The following HSPA12B variants were observed in gnomAD, a reference collection of about 807,000 sequenced individuals.
The protein encoded by HSPA12B is heat shock 70 kDa protein 12B.
In HSPA12B, 54 loss-of-function variants were observed where a neutral mutation model predicts 69.3. The ratio of observed to expected loss-of-function variants is 0.78; its 90% CI spans 0.63 to 0.98. HSPA12B has a LOEUF of 0.98. Among genes scored for constraint, HSPA12B ranks in the 50% least tolerant of loss-of-function variants. The probability of loss-of-function intolerance (pLI) is 0.00; values close to 1 mark genes in which losing one functional copy is unlikely to be tolerated. For missense variants in HSPA12B, 929 were observed against 999.8 expected (o/e 0.93, Z 0.96); for synonymous variants, 441 against 436.5 (o/e 1.01, Z -0.13).
chr20:3,742,999 G>C (rs1169251502), intron 4 of HSPA12B, among the ~76,000 whole-genome samples: 2 of 151,000 alleles, frequency 1.3e-5, no homozygotes, highest in Admixed American at 6.6e-5. Flanking sequence ...TCAGCCTCTT[G>C]AGTAGCTGGG....
chr20:3,742,274 G>A lies in HSPA12B; in HGVS notation c.142-10G>A. On this transcript the variant is annotated splice_polypyrimidine_tract_variant and intron_variant, in intron 3 of 12. Coordinates refer to ENST00000254963, the MANE Select transcript of HSPA12B (RefSeq NM_052970.5). ...TGGCTGCTTGCTAATTCTAAGTCTT[G>A]CACTTGCAGAAACCCGAGGTCCGAG... 1 of 1,613,376 alleles carries A rather than the reference G, an allele frequency of 6.2e-7. No homozygotes were observed. Among genetic ancestry groups the A allele is most frequent in the South Asian group, 1.1e-5 (1 of 91,034 alleles).
rs2088276868 is a variant in HSPA12B, at chr20:3,745,226, G to A, written c.453+138G>A. 1 of 811,242 alleles carries A rather than the reference G, an allele frequency of 1.2e-6. No individual in the cohort carries two copies. The highest frequency in any genetic ancestry group is 1.7e-5 in the South Asian group (1 of 59,114). 50.3% of individuals were successfully genotyped at this position (811,242 alleles called of 1,614,324 possible). A position where few individuals can be genotyped will look rare whatever the true frequency, so the allele number is the denominator to read the frequency against. The stretch of plus-strand genomic sequence containing the variant: ...GGCTGAGAGGGGGCGGGGCTAAAGG[G>A]AGACGTCGGACTCCGGTGTGGGCGG... On this transcript the variant is annotated intron_variant, in intron 5 of 12. Coordinates refer to ENST00000254963, the MANE Select transcript of HSPA12B (RefSeq NM_052970.5). This position sits in a 1 kb window ranked among gnomAD's most constrained non-coding sequence, Gnocchi z 5.6.
At chr20:3,748,836 G>A (rs1162711543) in intron 8 of HSPA12B, among the ~76,000 whole-genome samples, 2 of 152,042 alleles carry the variant, frequency 1.3e-5, no homozygotes, top group Non-Finnish European at 2.9e-5. Flanking sequence ...CCTGCTGCCA[G>A]GACCAGGCAC....
chr20:3,750,998 A>C, intron 12 of HSPA12B, 91 bp downstream of exon 12: 1 of 1,057,962 alleles, frequency 9.5e-7, no homozygotes, highest in Middle Eastern at 2.0e-4. Context: ...ATACCTCCAC[A>C]CATCCATACA....
intron 2 of HSPA12B, among the ~76,000 whole-genome samples, chr20:3,739,568 C>CAG (rs1348378623): frequency 1.3e-5 from 2 of 152,328 alleles, no homozygotes; most frequent in African/African-American, 4.8e-5. Flanking sequence ...TCTCGGGCTG[C>CAG]AGCTGGTGGC....
Position 3,748,233 on chromosome 20 carries a change from G to T in HSPA12B, c.692G>T (p.Arg231Leu). The T allele has an allele frequency of 1.3e-6, 2 of 1,580,910 alleles. No individual in the cohort carries two copies. The highest frequency in any genetic ancestry group is 1.7e-6 in the Non-Finnish European group (2 of 1,161,204). ...CATCCCCAGGCTGGACTAGTGTCCC[G>T]AGAGAATGCAGAGCAGCTACTCATC... ...EAAYLAGLVS[R>L]ENAEQLLIAL... is the part of the protein sequence containing the mutation. Residue 231 changes from arginine (R) to leucine (L), a missense_variant, in exon 8 of 13, where the codon CGA (arginine) becomes CTA (leucine). Coordinates refer to ENST00000254963, the MANE Select transcript of HSPA12B (RefSeq NM_052970.5).
rs2088277916 is a variant in HSPA12B, at chr20:3,745,263, G to A, written c.453+175G>A. ...TCCGGTGTGGGCGGAGCTCAGAAAT[G>A]AGGTGGAGGCGGGGCTAATGTGGGT... On this transcript the variant is annotated intron_variant, in intron 5 of 12. Coordinates refer to ENST00000254963, the MANE Select transcript of HSPA12B (RefSeq NM_052970.5). This position sits in a 1 kb window ranked among gnomAD's most constrained non-coding sequence, Gnocchi z 5.6. Among the ~76,000 whole-genome samples, 1 of 151,824 alleles carries A rather than the reference G, an allele frequency of 6.6e-6. No homozygotes were observed. The highest frequency in any genetic ancestry group is 1.5e-5 in the Non-Finnish European group (1 of 67,946).
Position 3,751,611 on chromosome 20 carries a change from G to A in HSPA12B, c.1506G>A (p.Ala502=). The change falls in exon 13 of 13, where the codon GCG becomes GCA. Residue 502 remains alanine, a synonymous_variant. Coordinates refer to ENST00000254963, the MANE Select transcript of HSPA12B (RefSeq NM_052970.5). ...TGCTGCAGCACGCGGTGCAGGCGGC[G>A]CTGGGCGCCCGCGGTCTGCGTGTCG... The part of the protein sequence containing the change: ...SAVLQHAVQA[A]LGARGLRVVV... 1 of 1,529,726 alleles carries A rather than the reference G, an allele frequency of 6.5e-7. No homozygotes were observed. The highest frequency in any genetic ancestry group is 1.4e-5 in the African/African-American group (1 of 71,950). 94.8% of individuals were successfully genotyped at this position (1,529,726 alleles called of 1,614,324 possible).
At chr20:3,738,820 C>A in intron 2 of HSPA12B, 103 bp downstream of exon 2, 1 of 1,203,350 alleles carries the variant, frequency 8.3e-7, no homozygotes, top group Non-Finnish European at 1.2e-6. Flanking sequence ...ACAGAGCTTC[C>A]CAACAGCTCT....
chr20:3,735,823 G>A (rs1368131725), intron 1 of HSPA12B, among the ~76,000 whole-genome samples: 3 of 151,988 alleles, frequency 2.0e-5, no homozygotes, highest in African/African-American at 7.3e-5. Context: ...CAATAGCCTC[G>A]GTCCAGAAAA....
intron 2 of HSPA12B, among the ~76,000 whole-genome samples, chr20:3,739,654 C>T (rs1369749142): frequency 6.6e-6 from 1 of 152,204 alleles, no homozygotes; most frequent in Non-Finnish European, 1.5e-5. Flanking sequence ...GCCCCTCCAG[C>T]ACCTCAGACT....
chr20:3,745,179 AG>A lies in HSPA12B; in HGVS notation c.453+93del. The A allele has an allele frequency of 8.3e-7, 1 of 1,201,654 alleles. No individual in the cohort carries two copies. The highest frequency in any genetic ancestry group is 1.2e-6 in the Non-Finnish European group (1 of 844,116). 74.4% of individuals were successfully genotyped at this position (1,201,654 alleles called of 1,614,324 possible). On this transcript the variant is annotated intron_variant, in intron 5 of 12. Coordinates refer to ENST00000254963, the MANE Select transcript of HSPA12B (RefSeq NM_052970.5). This position sits in a 1 kb window ranked among gnomAD's most constrained non-coding sequence, Gnocchi z 5.6. ...GGGTGGGACAAAACCAAAACGTGTG[AG>A]GACCGGCCCGATGGAGTCGTGGCTG... is the stretch of plus-strand genomic sequence containing the variant.
chr20:3,736,172 C>T (rs1038989913), intron 1 of HSPA12B, among the ~76,000 whole-genome samples: 1 of 152,204 alleles, frequency 6.6e-6, no homozygotes, highest in African/African-American at 2.4e-5. Flanking sequence ...CTCAGCATCC[C>T]ACTCCATCAT....
chr20:3,744,803 T>C lies in HSPA12B; in HGVS notation c.267-99T>C. 1 of 1,144,492 alleles carries C rather than the reference T, an allele frequency of 8.7e-7. No homozygotes were observed. Among genetic ancestry groups the C allele is most frequent in the East Asian group, 2.4e-5 (1 of 42,160 alleles). The allele number at this position is 1,144,492 out of a possible 1,614,324, so 70.9% of individuals were successfully genotyped here. ...GAGCCGACCCATAGCTAGTTCTCCC[T>C]GCTCTTTCACATCTGTAAGTTTTTG... is the stretch of plus-strand genomic sequence containing the variant. On this transcript the variant is annotated intron_variant, in intron 4 of 12. Coordinates refer to ENST00000254963, the MANE Select transcript of HSPA12B (RefSeq NM_052970.5). The surrounding 1 kb of genome is among the most constrained non-coding windows in gnomAD (Gnocchi z 4.9).
At position 3,749,259 on chromosome 20, in the gene HSPA12B, A is replaced by G; in HGVS notation, c.878A>G (p.His293Arg). The stretch of plus-strand genomic sequence containing the variant: ...CGGGAGCAGCTGCGAAGGTCCCGCC[A>G]CAGCCGCACGTTCCTGGTGGAGTCA... ...QAREQLRRSR[H>R]SRTFLVESGV... The change falls in exon 9 of 13, where the codon CAC becomes CGC. Residue 293 changes from histidine to arginine, a missense_variant. His to Arg is a conservative substitution (Grantham distance 29). This residue lies in a region of HSPA12B where 477 missense variants were observed against 535.2 expected (regional missense o/e 0.89). Transcript: ENST00000254963. The surrounding 1 kb of genome is among the most constrained non-coding windows in gnomAD (Gnocchi z 5.5). 1 of 1,613,686 alleles carries G rather than the reference A, an allele frequency of 6.2e-7. No individual in the cohort carries two copies. The highest frequency in any genetic ancestry group is 1.1e-5 in the South Asian group (1 of 91,028).
In HSPA12B at chr20:3,737,057, AAAATAAATAAATAAAT is replaced by A. The variant is rs11470713; in HGVS notation, c.-17-1567_-17-1552del. 0.45 allele frequency among the ~76,000 whole-genome samples: 65,896 copies of A among 146,114 alleles called. 15,283 individuals carry two copies. The highest frequency in any genetic ancestry group is 0.53 in the Middle Eastern group (154 of 288). On this transcript the variant is annotated intron_variant, in intron 1 of 12. Coordinates refer to ENST00000254963, the MANE Select transcript of HSPA12B (RefSeq NM_052970.5). The surrounding 1 kb of genome is among the most constrained non-coding windows in gnomAD (Gnocchi z 4.1). ...GGGGACAGAGTGAGACTCTGCCTCA[AAAATAAATAAATAAAT>A]AAATAAATAAATAAATAAATAAATA...
rs2088420882 is a variant in HSPA12B at position 3,751,558 on chromosome 20, C to T, written c.1453C>T (p.Leu485=). 1 of 1,495,758 alleles carries T rather than the reference C, an allele frequency of 6.7e-7. No individual in the cohort carries two copies. Among genetic ancestry groups the T allele is most frequent in the South Asian group, 1.3e-5 (1 of 75,978 alleles). 92.7% of individuals were successfully genotyped at this position (1,495,758 alleles called of 1,614,324 possible). A position where few individuals can be genotyped will look rare whatever the true frequency, so the allele number is the denominator to read the frequency against. ...GGTGCAGGGTGTGAAGCTGCTGTTC[C>T]TAGTGGGCGGCTTCGCCGAGTCAGC... The part of the protein sequence containing the change: ...PEVQGVKLLF[L]VGGFAESAVL... The change falls in exon 13 of 13, where the codon CTA becomes TTA. Residue 485 remains leucine (L), a synonymous_variant. Transcript: ENST00000254963.
intron 2 of HSPA12B, 135 bp downstream of exon 2, chr20:3,738,852 G>A: frequency 1.2e-6 from 1 of 853,974 alleles, no homozygotes; most frequent in Non-Finnish European, 1.9e-6. Context: ...GTGTGTGTGT[G>A]TGTGTGCATG....
intron 1 of HSPA12B, among the ~76,000 whole-genome samples, chr20:3,735,250 CTACA>C (rs1215439979): frequency 1.3e-5 from 2 of 152,180 alleles, no homozygotes; most frequent in African/African-American, 4.8e-5. Context: ...GTCACCCATT[CTACA>C]GGAAAGGGCA....
Sources: gnomAD v4.1 joint callset for allele counts (sites outside exome capture counted in the v4.1 genomes callset) on GRCh38, gnomAD v4.1.1 for gene constraint, gnomAD v4.1.1 regional missense constraint, Gnocchi (gnomAD v3.1) non-coding constraint, MANE v1.5 for transcripts, NCBI Gene and HGNC (gene_info 2026-07-23, HGNC 2026-07-21) for gene names.